Variants in RSBN1L observed in about 807,000 individuals in gnomAD.
RSBN1L encodes lysine-specific demethylase RSBN1L.
In RSBN1L, 30 loss-of-function variants were observed where a neutral mutation model predicts 67.7. That is an observed-to-expected ratio of 0.44 (90% confidence interval 0.33 to 0.60). RSBN1L has a LOEUF of 0.60. Among genes scored for constraint, RSBN1L ranks in the 20% least tolerant of loss-of-function variants. RSBN1L has a pLI of 0.02. For missense variants in RSBN1L, 992 were observed against 1,031.7 expected (o/e 0.96, Z 0.53); for synonymous variants, 433 against 387.0 (o/e 1.12, Z -1.39).
In RSBN1L at chr7:77,780,455, A is replaced by T. The variant is rs762320118; in HGVS notation, c.*1287A>T. 6.6e-6 allele frequency: 1 copy of T among 152,114 alleles called. No homozygotes were observed. The highest frequency in any genetic ancestry group is 1.9e-4 in the East Asian group (1 of 5,196). The allele number at this position is 152,114 out of a possible 1,614,324, so 9.4% of individuals were successfully genotyped here. A position where few individuals can be genotyped will look rare whatever the true frequency, so the allele number is the denominator to read the frequency against. Reference sequence around the variant, plus strand: ...CTACCATAGATTTTTTTTATTGTGTATGGGATGATAAGAAGTTTAGAGAAT... The same window carrying T: ...CTACCATAGATTTTTTTTATTGTGTTTGGGATGATAAGAAGTTTAGAGAAT... On this transcript the variant is annotated 3_prime_UTR_variant, in exon 8 of 8. Transcript: ENST00000334955.
At chr7:77,716,356 T>G (rs1472180182) in intron 1 of RSBN1L, among the ~76,000 whole-genome samples, 2 of 151,996 alleles carry the variant, frequency 1.3e-5, no homozygotes, top group Admixed American at 6.6e-5. Flanking sequence ...GTCTCTCACT[T>G]TTGTCACCCA....
chr7:77,778,827 T>G lies in RSBN1L; in HGVS notation c.2200T>G (p.Ser734Ala). 1.2e-6 allele frequency: 2 copies of G among 1,614,122 alleles called. No individual in the cohort carries two copies. Residue 734 changes from serine (S) to alanine (A), a missense_variant, in exon 8 of 8, where the codon TCC (serine) becomes GCC (alanine). By Grantham distance (99) the Ser-to-Ala change is moderately conservative. Around this residue, in one of 7 missense-constraint regions of RSBN1L, gnomAD observed 199 missense variants for 167.7 expected, o/e 1.19. Coordinates refer to ENST00000334955, the MANE Select transcript of RSBN1L (RefSeq NM_198467.3). ...DNMICAVSKA[S>A]LDSVFSDKLH... ...CATGATTTGTGCTGTAAGCAAAGCC[T>G]CCTTGGATTCTGTTTTTTCAGATAA... is the stretch of plus-strand genomic sequence containing the variant.
chr7:77,748,374 T>C (rs775552214), intron 2 of RSBN1L, among the ~76,000 whole-genome samples: 4 of 152,216 alleles, frequency 2.6e-5, no homozygotes, highest in African/African-American at 9.7e-5. Flanking sequence ...GGATTTGATA[T>C]TTCAACATTC....
intron 6 of RSBN1L, among the ~76,000 whole-genome samples, chr7:77,774,562 A>G (rs1208770707): frequency 6.6e-6 from 1 of 152,160 alleles, no homozygotes; most frequent in Non-Finnish European, 1.5e-5. Context: ...CCCCATCTCT[A>G]CTAAAAATAC....
At chr7:77,772,992 G>A (rs979041175) in intron 5 of RSBN1L, among the ~76,000 whole-genome samples, 155 bp from the exon 6 acceptor site, 13 of 152,022 alleles carry the variant, frequency 8.6e-5, no homozygotes, top group African/African-American at 2.9e-4. Context: ...TGAGGGTATC[G>A]TATTTGTGTT....
At position 77,719,285 on chromosome 7, in the gene RSBN1L, TTTAA is replaced by T. The variant is rs144893578; in HGVS notation, c.587-17122_587-17119del. Among the ~76,000 whole-genome samples, 396 of 152,314 alleles carry T rather than the reference TTTAA, an allele frequency of 2.6e-3. 1 individual carries two copies. The highest frequency in any genetic ancestry group is 0.026 in the East Asian group (133 of 5,188). On this transcript the variant is annotated intron_variant, in intron 1 of 7. Coordinates refer to ENST00000334955, the MANE Select transcript of RSBN1L (RefSeq NM_198467.3). ...ATACAACTTTTAAAAAATGTAGAAC[TTTAA>T]TTGGTTGTGTGAAAAAGTGTAACTA...
intron 2 of RSBN1L, among the ~76,000 whole-genome samples, chr7:77,746,510 G>A (rs1439413883): frequency 6.6e-6 from 1 of 152,154 alleles, no homozygotes; most frequent in Non-Finnish European, 1.5e-5. Flanking sequence ...AGATTTGGGA[G>A]GGGACACAGA....
intron 2 of RSBN1L, among the ~76,000 whole-genome samples, chr7:77,740,750 A>G (rs946783293): frequency 1.3e-5 from 2 of 152,108 alleles, no homozygotes; most frequent in African/African-American, 4.8e-5. Context: ...GCCATTAACA[A>G]CACATGCTGT....
chr7:77,736,423 CAAAATT>C lies in RSBN1L; in HGVS notation c.604_609del (p.Ile202_Lys203del), dbSNP rs1562800832. On this transcript the variant is annotated inframe_deletion, in exon 2 of 8. Coordinates refer to ENST00000334955, the MANE Select transcript of RSBN1L (RefSeq NM_198467.3). ...TTTGTCTTCCAGATAAAATCAAAGA[CAAAATT>C]AAAGAGAGAGACAAAGAAAAAGAAA... The C allele has an allele frequency of 5.9e-6, 6 of 1,023,864 alleles. No homozygotes were observed. The highest frequency in any genetic ancestry group is 8.0e-6 in the Non-Finnish European group (6 of 750,388). 63.4% of individuals were successfully genotyped at this position (1,023,864 alleles called of 1,614,324 possible). A position where few individuals can be genotyped will look rare whatever the true frequency, so the allele number is the denominator to read the frequency against.
In RSBN1L at chr7:77,768,611, G is replaced by A. The variant is rs200495049; in HGVS notation, c.1483-50G>A. The A allele has an allele frequency of 2.1e-4, 321 of 1,523,978 alleles. 3 individuals carry two copies. In the African/African-American group the frequency reaches 3.9e-3, roughly 19 times the overall value. 94.4% of individuals were successfully genotyped at this position (1,523,978 alleles called of 1,614,324 possible). On this transcript the variant is annotated intron_variant, in intron 4 of 7. Transcript: ENST00000334955. ...ACAATATTATTATTAACATACACTT[G>A]AAGATACATTTTGAAAATAATTGCA... is the stretch of plus-strand genomic sequence containing the variant.
At position 77,696,769 on chromosome 7, in the gene RSBN1L, T is replaced by C. The variant is rs149910730; in HGVS notation, c.300T>C (p.Ser100=). The change falls in exon 1 of 8, where the codon TCT becomes TCC. Residue 100 remains serine (S), a synonymous_variant. Coordinates refer to ENST00000334955, the MANE Select transcript of RSBN1L (RefSeq NM_198467.3). ...PLSAAPSPSS[S]RSSFSFSAGT... ...CTGCTGCTCCCTCCCCGTCCTCTTC[T>C]CGGAGCAGTTTCTCTTTCTCCGCTG... The C allele has an allele frequency of 6.2e-7, 1 of 1,613,812 alleles. No homozygotes were observed. Among genetic ancestry groups the C allele is most frequent in the Non-Finnish European group, 8.5e-7 (1 of 1,180,010 alleles).
At chr7:77,751,083 C>T (rs1369598091) in intron 3 of RSBN1L, among the ~76,000 whole-genome samples, 1 of 152,084 alleles carries the variant, frequency 6.6e-6, no homozygotes, top group East Asian at 1.9e-4. Context: ...ATGTACCCCG[C>T]CCCCAATAGT....
chr7:77,736,489 CA>C lies in RSBN1L; in HGVS notation c.668del (p.Lys223ArgfsTer7). ...AGAAACATAAAGTAATGAATGAGAT[CA>C]AGAAAGAGAATGGAGAAGTAAAGAT... The part of the protein sequence containing the change: ...KKKHKVMNEI[K>X]KENGEVKILL... On this transcript the variant is annotated frameshift_variant, in exon 2 of 8. Transcript: ENST00000334955. LOFTEE classifies it high-confidence loss of function. 1 of 1,289,650 alleles carries C rather than the reference CA, an allele frequency of 7.8e-7. No individual in the cohort carries two copies. Among genetic ancestry groups the C allele is most frequent in the Non-Finnish European group, 1.1e-6 (1 of 939,402 alleles). The allele number at this position is 1,289,650 out of a possible 1,614,324, so 79.9% of individuals were successfully genotyped here. A position where few individuals can be genotyped will look rare whatever the true frequency, so the allele number is the denominator to read the frequency against.
intron 3 of RSBN1L, among the ~76,000 whole-genome samples, chr7:77,762,691 TACTC>T: frequency 1.3e-5 from 2 of 152,306 alleles, no homozygotes; most frequent in Admixed American, 1.3e-4. Flanking sequence ...TTTTTCCTGT[TACTC>T]AATGATACAT....
intron 1 of RSBN1L, among the ~76,000 whole-genome samples, chr7:77,708,506 G>C (rs577564786): frequency 1.1e-4 from 16 of 151,600 alleles, no homozygotes; most frequent in African/African-American, 2.7e-4. Context: ...CTCAGCCTCC[G>C]GAGTAGCTGG....
intron 5 of RSBN1L, among the ~76,000 whole-genome samples, chr7:77,770,021 T>C: frequency 6.6e-6 from 1 of 152,166 alleles, no homozygotes. Context: ...CATTTTAAAA[T>C]GGTCTGAATG....
intron 2 of RSBN1L, among the ~76,000 whole-genome samples, chr7:77,747,420 C>T (rs1791498958): frequency 6.6e-6 from 1 of 152,176 alleles, no homozygotes; most frequent in Admixed American, 6.5e-5. Context: ...TTTCCTGGGC[C>T]AGGCCCAGGG....
In RSBN1L at chr7:77,755,096, C is replaced by T. The variant is rs192843407; in HGVS notation, c.1344+5032C>T. Among the ~76,000 whole-genome samples, 20 of 151,956 alleles carry T rather than the reference C, an allele frequency of 1.3e-4. No homozygotes were observed. In the East Asian group the frequency reaches 3.9e-3, roughly 29 times the overall value. On this transcript the variant is annotated intron_variant, in intron 3 of 7. Transcript: ENST00000334955. ...CTTTCACCAAAAGAATTGGTTGAGA[C>T]GACATTAATTGAGCTAATGTGAGTC...
intron 1 of RSBN1L, among the ~76,000 whole-genome samples, chr7:77,704,765 G>A (rs1393968036): frequency 6.6e-6 from 1 of 151,952 alleles, no homozygotes; most frequent in Non-Finnish European, 1.5e-5. Context: ...ATCACCTGGG[G>A]TCAAGGAGTT....
Sources: allele counts gnomAD v4.1 joint callset (sites outside exome capture counted in the v4.1 genomes callset), GRCh38; gene constraint gnomAD v4.1.1; regional missense constraint gnomAD v4.1.1; transcripts MANE v1.5; gene names NCBI Gene and HGNC (gene_info 2026-07-23, HGNC 2026-07-21).